Variants in KSR1 observed in about 807,000 individuals in gnomAD.
KSR1 encodes kinase suppressor of ras.
In KSR1, 35 loss-of-function variants were observed where a neutral mutation model predicts 92.9. The observed-to-expected ratio is 0.38, with a 90% confidence interval of 0.29 to 0.50. The LOEUF (loss-of-function observed/expected upper bound fraction) is 0.50. Among genes scored for constraint, KSR1 ranks in the 20% least tolerant of loss-of-function variants. The pLI, the probability that KSR1 is intolerant of heterozygous loss-of-function variation, is 0.94. For synonymous variants in KSR1, 467 were observed against 472.6 expected (o/e 0.99, Z 0.15); for missense variants, 972 against 1,158.5 (o/e 0.84, Z 2.34).
intron 17 of KSR1, 63 bp downstream of exon 17, chr17:27,610,261 T>C: frequency 6.2e-7 from 1 of 1,607,192 alleles, no homozygotes; most frequent in Non-Finnish European, 8.5e-7. Flanking sequence ...TGGTGGCCAT[T>C]GGGGGCAGAG....
chr17:27,501,088 T>C (rs1222702149), intron 1 of KSR1, among the ~76,000 whole-genome samples: 5 of 152,198 alleles, frequency 3.3e-5, no homozygotes, highest in Admixed American at 2.0e-4. Context: ...CAGTAATTGC[T>C]GATGTCTGTC....
In KSR1 at chr17:27,582,992, C is replaced by G. The variant is rs781215654; in HGVS notation, c.867C>G (p.Pro289=). 3 of 1,609,208 alleles carry G rather than the reference C, an allele frequency of 1.9e-6. No individual in the cohort carries two copies. The highest frequency in any genetic ancestry group is 2.5e-6 in the Non-Finnish European group (3 of 1,177,840). ...RHTKLKPPRT[P]PPPSRKVFQL... ...CCAAGCTGAAGCCACCACGGACGCC[C>G]CCCCCACCCAGCCGCAAGGTCTTCC... The change falls in exon 4 of 21, where the codon CCC becomes CCG. Residue 289 remains proline, a synonymous_variant. Coordinates refer to ENST00000644974, the MANE Select transcript of KSR1 (RefSeq NM_001394583.1).
intron 1 of KSR1, among the ~76,000 whole-genome samples, chr17:27,543,823 G>A (rs1213947012): frequency 6.6e-6 from 1 of 152,192 alleles, no homozygotes; most frequent in Non-Finnish European, 1.5e-5. Flanking sequence ...TCAGCTGGGT[G>A]GGTACAGGTC....
At chr17:27,484,753 C>T (rs1273359091) in intron 1 of KSR1, among the ~76,000 whole-genome samples, 1 of 152,172 alleles carries the variant, frequency 6.6e-6, no homozygotes, top group Non-Finnish European at 1.5e-5. Context: ...TCAGGATCTG[C>T]CTCTCAGAGG....
intron 2 of KSR1, among the ~76,000 whole-genome samples, chr17:27,560,814 G>A (rs114240025): frequency 1.3e-3 from 202 of 152,274 alleles, no homozygotes; most frequent in African/African-American, 4.6e-3. Context: ...CAGAGGCCCA[G>A]CTGTTCTTAC....
chr17:27,461,939 C>A (rs945915565), intron 1 of KSR1, among the ~76,000 whole-genome samples: 1 of 129,478 alleles, frequency 7.7e-6, no homozygotes, highest in African/African-American at 2.7e-5. Flanking sequence ...CGGGGAGAAG[C>A]AGCAAAGCCT....
At position 27,568,575 on chromosome 17, in the gene KSR1, G is replaced by A. The variant is rs546683502; in HGVS notation, c.373-8917G>A. Among the ~76,000 whole-genome samples the A allele has an allele frequency of 2.6e-4, 40 of 152,304 alleles. No individual in the cohort carries two copies. The East Asian group carries it at 3.9e-3, about 15-fold the overall frequency. On this transcript the variant is annotated intron_variant, in intron 2 of 20. Coordinates refer to ENST00000644974, the MANE Select transcript of KSR1 (RefSeq NM_001394583.1). ...CCGAGCAGGGGAGAATGGGGAGGGG[G>A]AGCAGTAAAGATGCCGGGGACATGG...
At chr17:27,499,438 C>A (rs1157224906) in intron 1 of KSR1, among the ~76,000 whole-genome samples, 2 of 152,192 alleles carry the variant, frequency 1.3e-5, no homozygotes, top group African/African-American at 4.8e-5. Flanking sequence ...ATTATCCCAG[C>A]TTTTGGGAAA....
chr17:27,609,015 T>C (rs2073842837), intron 15 of KSR1, among the ~76,000 whole-genome samples, 181 bp from the exon 16 acceptor site: 1 of 152,236 alleles, frequency 6.6e-6, no homozygotes, highest in Non-Finnish European at 1.5e-5. Flanking sequence ...TCTTCACTGC[T>C]GTGTGGCTTG....
At chr17:27,619,205 C>G (rs547522434) in intron 19 of KSR1, among the ~76,000 whole-genome samples, 2 of 152,130 alleles carry the variant, frequency 1.3e-5, no homozygotes, top group Admixed American at 1.3e-4. Flanking sequence ...AACTCCCATA[C>G]CTGGCGCCAG....
At chr17:27,600,844 T>C (rs1178485102) in intron 10 of KSR1, among the ~76,000 whole-genome samples, 1 of 152,154 alleles carries the variant, frequency 6.6e-6, no homozygotes, top group Non-Finnish European at 1.5e-5. Context: ...AGAGCCTAGT[T>C]ATGTGGCAGA....
At chr17:27,500,485 A>G (rs2069138731) in intron 1 of KSR1, among the ~76,000 whole-genome samples, 2 of 152,216 alleles carry the variant, frequency 1.3e-5, no homozygotes, top group East Asian at 1.9e-4. Flanking sequence ...ACCTTGGGCC[A>G]TAGCAATACA....
At chr17:27,615,041 T>C (rs1013459572) in intron 18 of KSR1, among the ~76,000 whole-genome samples, 2 of 152,198 alleles carry the variant, frequency 1.3e-5, no homozygotes, top group Non-Finnish European at 2.9e-5. Flanking sequence ...CAGTGAGTTA[T>C]TAATCATTGT....
chr17:27,587,048 T>C (rs2072995494), intron 5 of KSR1: 1 of 152,286 alleles, frequency 6.6e-6, no homozygotes, highest in African/African-American at 2.4e-5. Context: ...AATTTTTGTA[T>C]TTTTAATAGA....
chr17:27,582,653 G>T lies in KSR1; in HGVS notation c.528G>T (p.Glu176Asp). ...CCACGTCTTGGTCCACAGGAGGGGAGCACAAGGAGGACTCCAGTTGGAGTT... is the reference window on the plus strand; with the variant it reads ...CCACGTCTTGGTCCACAGGAGGGGATCACAAGGAGGACTCCAGTTGGAGTT... ...CLRKVTGLGG[E>D]HKEDSSWSSL... The change falls in exon 4 of 21, where the codon GAG becomes GAT. Residue 176 changes from glutamate to aspartate, a missense_variant. This residue lies in a region of KSR1 where 611 missense variants were observed against 668.0 expected (regional missense o/e 0.91). Transcript: ENST00000644974. 1 of 1,607,828 alleles carries T rather than the reference G, an allele frequency of 6.2e-7. No individual in the cohort carries two copies. The highest frequency in any genetic ancestry group is 8.5e-7 in the Non-Finnish European group (1 of 1,175,836).
chr17:27,605,902 G>A, intron 14 of KSR1, 89 bp downstream of exon 14: 6 of 1,522,588 alleles, frequency 3.9e-6, no homozygotes, highest in Non-Finnish European at 5.3e-6. Context: ...CCTAGAGGGT[G>A]TGGAAGTTCT....
intron 2 of KSR1, among the ~76,000 whole-genome samples, chr17:27,576,354 A>T (rs2072505415): frequency 6.6e-6 from 1 of 152,236 alleles, no homozygotes; most frequent in Non-Finnish European, 1.5e-5. Flanking sequence ...CTATACATAC[A>T]TACCTCTGAT....
rs74985744 is a variant in KSR1 at position 27,509,759 on chromosome 17, G to A, written c.232-40809G>A. Among the ~76,000 whole-genome samples the A allele has an allele frequency of 4.7e-3, 716 of 152,338 alleles. 7 individuals are homozygous for A. Among genetic ancestry groups the A allele is most frequent in the African/African-American group, 0.016 (672 of 41,572 alleles). ...GGAGGCTGAGGTTGGAGGATTGCCT[G>A]AGCCCAGGAACTTGAGGCTGCAGTG... On this transcript the variant is annotated intron_variant, in intron 1 of 20. Coordinates refer to ENST00000644974, the MANE Select transcript of KSR1 (RefSeq NM_001394583.1).
At position 27,577,801 on chromosome 17, in the gene KSR1, C is replaced by T. The variant is rs548093771; in HGVS notation, c.520+162C>T. 266 of 713,340 alleles carry T rather than the reference C, an allele frequency of 3.7e-4. 2 individuals carry two copies. The highest frequency in any genetic ancestry group is 2.3e-4 in the Middle Eastern group (1 of 4,408). 44.2% of individuals were successfully genotyped at this position (713,340 alleles called of 1,614,324 possible). On this transcript the variant is annotated intron_variant, in intron 3 of 20. Transcript: ENST00000644974. This position sits in a 1 kb window ranked among gnomAD's most constrained non-coding sequence, Gnocchi z 4.5. ...TTCACAGCCTCCTGAGAAGCTCTCC[C>T]AGGGTCCTCAGGGCTCTGGATCCTG...
Sources: gnomAD v4.1 joint callset for allele counts (sites outside exome capture counted in the v4.1 genomes callset) on GRCh38, gnomAD v4.1.1 for gene constraint, gnomAD v4.1.1 regional missense constraint, Gnocchi (gnomAD v3.1) non-coding constraint, MANE v1.5 for transcripts, NCBI Gene and HGNC (gene_info 2026-07-23, HGNC 2026-07-21) for gene names.